SDR39U1: variants seen among roughly 807,000 people sequenced by gnomAD.
SDR39U1 encodes epimerase family protein SDR39U1.
Under a neutral mutation model 31.7 loss-of-function variants are expected in SDR39U1, and 29 were observed. The ratio of observed to expected loss-of-function variants is 0.92; its 90% CI spans 0.68 to 1.25. The LOEUF is 1.25. Among genes scored for constraint, SDR39U1 ranks in the 50% most tolerant of loss-of-function variants. The pLI, the probability that SDR39U1 is intolerant of heterozygous loss-of-function variation, is 0.00. For synonymous variants in SDR39U1, 147 were observed against 159.0 expected, an observed-to-expected ratio of 0.92 and a Z score of 0.57; for missense variants, 403 against 378.4, an observed-to-expected ratio of 1.06 and a Z score of -0.54.
chr14:24,442,710 C>T (rs2043389516), intron 1 of SDR39U1, 44 bp downstream of exon 1: 3 of 1,612,834 alleles, frequency 1.9e-6, no homozygotes, highest in Admixed American at 1.7e-5. Flanking sequence ...TCCTCAATCT[C>T]CGACTAAGCC....
intron 1 of SDR39U1, 111 bp downstream of exon 1, chr14:24,442,643 G>A: frequency 7.1e-7 from 1 of 1,415,962 alleles, no homozygotes; most frequent in East Asian, 2.3e-5. Context: ...CGGGCTAGGA[G>A]GCCAAGGCCA....
intron 1 of SDR39U1, 96 bp downstream of exon 1, chr14:24,442,658 G>T: frequency 6.7e-7 from 1 of 1,485,002 alleles, no homozygotes; most frequent in Non-Finnish European, 9.4e-7. Context: ...AGGCCAGGTT[G>T]CCTGTGCACT....
rs1198035659 is a variant in SDR39U1, at chr14:24,439,775, CAATT to C, written c.*304_*307del. The C allele has an allele frequency of 1.2e-5, 3 of 243,202 alleles. No homozygotes were observed. Among genetic ancestry groups the C allele is most frequent in the Non-Finnish European group, 2.4e-5 (3 of 127,596 alleles). The allele number at this position is 243,202 out of a possible 1,614,324, so 15.1% of individuals were successfully genotyped here. On this transcript the variant is annotated 3_prime_UTR_variant, in exon 6 of 6. Coordinates refer to ENST00000399395, the MANE Select transcript of SDR39U1 (RefSeq NM_020195.3). ...AAGAGATGAGCCAAGGTTAGTGAGA[CAATT>C]TATTTTTATTGCCTAAACTGCAGAG...
At chr14:24,441,861 C>T in intron 3 of SDR39U1, 66 bp from the exon 4 acceptor site, 2 of 1,550,796 alleles carry the variant, frequency 1.3e-6, no homozygotes, top group Non-Finnish European at 1.7e-6. Context: ...CTCTCTCTGT[C>T]TTTTCCTGGG....
At chr14:24,440,539 G>A in intron 5 of SDR39U1, 47 bp from the exon 6 acceptor site, 1 of 1,552,940 alleles carries the variant, frequency 6.4e-7, no homozygotes, top group Non-Finnish European at 8.7e-7. Flanking sequence ...CAGCCTTGAA[G>A]GAGCCCACTG....
Position 24,442,683 on chromosome 14 carries a change from C to T in SDR39U1, c.16+71G>A, listed in dbSNP as rs375269351. The T allele has an allele frequency of 3.1e-6, 5 of 1,591,352 alleles. No homozygotes were observed. The African/African-American group carries it at 6.7e-5, about 21-fold the overall frequency. ...GCCTGTGCACTAGACAGTGCCCTCC[C>T]GGAAGCGGATTCCCAGTCCTCAATC... On this transcript the variant is annotated intron_variant, in intron 1 of 5. Coordinates refer to ENST00000399395, the MANE Select transcript of SDR39U1 (RefSeq NM_020195.3).
At position 24,442,359 on chromosome 14, in the gene SDR39U1, C is replaced by G. The variant is rs1459370167; in HGVS notation, c.110G>C (p.Gly37Ala). ...GGATGGACTTACCCACGTGATCCGG[C>G]CGGGCCCGGGCTTTCGGGAGACCAA... ...VTLVSRKPGP[G>A]RITWDELAAS... Residue 37 changes from glycine (G) to alanine (A), a missense_variant, in exon 2 of 6, where the codon GGC becomes GCC. Gly to Ala is a moderately conservative substitution (Grantham distance 60). Transcript: ENST00000399395. 1 of 1,610,796 alleles carries G rather than the reference C, an allele frequency of 6.2e-7. No individual in the cohort carries two copies. Among genetic ancestry groups the G allele is most frequent in the South Asian group, 1.1e-5 (1 of 90,392 alleles).
rs764782006 is a variant in SDR39U1 at position 24,441,693 on chromosome 14, C to CT, written c.308_309insA (p.Trp103Ter). ...GCGTACCTACACCTGTGACTAAGAC[C>CT]CAGGCCTTGGGGGGTTGTGGGGCTT... ...ITKAPQPPKA[W>*]VLVTGVAYYQ... The change falls in exon 4 of 6, where the codon TGG becomes TGAG. Residue 103 changes from tryptophan to a stop codon, truncating the protein, a stop_gained and frameshift_variant. Transcript: ENST00000399395. LOFTEE classifies it high-confidence loss of function. 1.9e-6 allele frequency: 3 copies of CT among 1,589,804 alleles called. No individual in the cohort carries two copies. The highest frequency in any genetic ancestry group is 3.9e-5 in the Admixed American group (2 of 50,854).
rs1566505335 is a variant in SDR39U1, at chr14:24,440,160, G to GGATC, written c.801_804dup (p.Pro269AspfsTer62). 1 of 1,613,720 alleles carries GGATC rather than the reference G, an allele frequency of 6.2e-7. No individual in the cohort carries two copies. Among genetic ancestry groups the GGATC allele is most frequent in the Non-Finnish European group, 8.5e-7 (1 of 1,179,702 alleles). On this transcript the variant is annotated frameshift_variant, in exon 6 of 6. Coordinates refer to ENST00000399395, the MANE Select transcript of SDR39U1 (RefSeq NM_020195.3). LOFTEE classifies it high-confidence loss of function. ...TAGCCAGTGGCCAGTGTTCGCTGTGGGATCACCTTCTGGCCCTCCAGCAGC... is the reference window on the plus strand; with the variant it reads ...TAGCCAGTGGCCAGTGTTCGCTGTGGGATCGATCACCTTCTGGCCCTCCAGCAGC...
At position 24,440,303 on chromosome 14, in the gene SDR39U1, G is replaced by A. The variant is rs1276337119; in HGVS notation, c.662C>T (p.Ser221Phe). The A allele has an allele frequency of 9.3e-6, 15 of 1,613,842 alleles. No individual in the cohort carries two copies. The highest frequency in any genetic ancestry group is 1.3e-5 in the African/African-American group (1 of 74,938). ...GGCAAACTCAGCATTAGTGGCGGAG[G>A]ATGGAGCCACTCCATTCAGGACCCC... Reference protein sequence around the residue: ...VHGVLNGVAPSSATNAEFAQT... With the variant: ...VHGVLNGVAPFSATNAEFAQT... Residue 221 changes from serine to phenylalanine, a missense_variant, in exon 6 of 6, where the codon TCC (serine) becomes TTC (phenylalanine). Ser to Phe is a radical substitution (Grantham distance 155). Transcript: ENST00000399395.
At position 24,441,673 on chromosome 14, in the gene SDR39U1, C is replaced by G; in HGVS notation, c.328+1G>C. On this transcript the variant is annotated splice_donor_variant, in intron 4 of 5. Transcript: ENST00000399395. LOFTEE classifies it high-confidence loss of function. ...AGGGGCTGGTGATTTGGGGGGCGTA[C>G]CTACACCTGTGACTAAGACCCAGGC... 6.3e-7 allele frequency: 1 copy of G among 1,581,964 alleles called. No individual in the cohort carries two copies. Among genetic ancestry groups the G allele is most frequent in the Middle Eastern group, 1.8e-4 (1 of 5,478 alleles).
At chr14:24,441,638 G>A (rs1403991261) in intron 4 of SDR39U1, 36 bp downstream of exon 4, 1 of 1,542,996 alleles carries the variant, frequency 6.5e-7, no homozygotes, top group Non-Finnish European at 8.8e-7. Context: ...CCGTTCCCCT[G>A]GCGAATATAA....
chr14:24,440,866 T>C lies in SDR39U1; in HGVS notation c.389A>G (p.Asp130Gly). The C allele has an allele frequency of 4.3e-6, 7 of 1,613,954 alleles. No homozygotes were observed. The highest frequency in any genetic ancestry group is 1.1e-5 in the South Asian group (1 of 91,080). The change falls in exon 5 of 6, where the codon GAC becomes GGC. Residue 130 changes from aspartate (D) to glycine (G), a missense_variant. Physicochemically the swap from Asp to Gly is moderately conservative, Grantham distance 94. Transcript: ENST00000399395. ...TTTGGTTACGAGGTTGGAGAAAAAG[T>C]CAAAGTCCCCTCCTGGGCTGTCTTC... The part of the protein sequence containing the change: ...YDEDSPGGDF[D>G]FFSNLVTKWE...
chr14:24,440,909 G>C lies in SDR39U1; in HGVS notation c.346C>G (p.Leu116Val), dbSNP rs1297359055. Residue 116 changes from leucine to valine, a missense_variant, in exon 5 of 6, where the codon CTG becomes GTG. Transcript: ENST00000399395. ...VTGVAYYQPS[L>V]TAEYDEDSPG... Reference sequence around the variant, plus strand: ...CTGTCTTCATCATACTCCGCAGTCAGACTGGGCTGGTAGTAAGCTGCCGGT... The same window carrying C: ...CTGTCTTCATCATACTCCGCAGTCACACTGGGCTGGTAGTAAGCTGCCGGT... The C allele has an allele frequency of 1.2e-6, 2 of 1,614,054 alleles. No homozygotes were observed. Among genetic ancestry groups the C allele is most frequent in the African/African-American group, 1.3e-5 (1 of 75,064 alleles).
Position 24,441,634 on chromosome 14 carries a change from C to T in SDR39U1, c.328+40G>A, listed in dbSNP as rs769611276. ...TACAGAGGTCTGAGTTACCCCGTTC[C>T]CCTGGCGAATATAAGGGGCTGGTGA... On this transcript the variant is annotated intron_variant, in intron 4 of 5. Coordinates refer to ENST00000399395, the MANE Select transcript of SDR39U1 (RefSeq NM_020195.3). 22 of 1,536,852 alleles carry T rather than the reference C, an allele frequency of 1.4e-5. No homozygotes were observed. The Admixed American group carries it at 4.8e-4, about 34-fold the overall frequency.
intron 1 of SDR39U1, 25 bp downstream of exon 1, chr14:24,442,729 A>T: frequency 6.2e-7 from 1 of 1,613,172 alleles, no homozygotes; most frequent in Non-Finnish European, 8.5e-7. Context: ...CCCGCCCAGC[A>T]CTCTCCCTTT....
rs1475968529 is a variant in SDR39U1 at position 24,440,128 on chromosome 14, A to G, written c.837T>C (p.Tyr279=). Reference sequence around the variant, plus strand: ...AGGCAGCCCCTAGCTCTGGGAAGGAATACTGGTAGCCAGTGGCCAGTGTTC... The same window carrying G: ...AGGCAGCCCCTAGCTCTGGGAAGGAGTACTGGTAGCCAGTGGCCAGTGTTC... ...PQRTLATGYQ[Y]SFPELGAALK... is the part of the protein sequence containing the mutation. The change falls in exon 6 of 6, where the codon TAT becomes TAC. Residue 279 remains tyrosine (Y), a synonymous_variant. Transcript: ENST00000399395. 1 of 1,612,282 alleles carries G rather than the reference A, an allele frequency of 6.2e-7. No homozygotes were observed. The highest frequency in any genetic ancestry group is 1.3e-5 in the African/African-American group (1 of 74,928).
chr14:24,440,928 T>C lies in SDR39U1; in HGVS notation c.329-2A>G, dbSNP rs748452792. 6 of 1,614,034 alleles carry C rather than the reference T, an allele frequency of 3.7e-6. No individual in the cohort carries two copies. In the South Asian group the frequency reaches 5.5e-5, roughly 15 times the overall value. The stretch of plus-strand genomic sequence containing the variant: ...CAGTCAGACTGGGCTGGTAGTAAGC[T>C]GCCGGTGGAACACAATCATTTGCCC... On this transcript the variant is annotated splice_acceptor_variant, in intron 4 of 5. Coordinates refer to ENST00000399395, the MANE Select transcript of SDR39U1 (RefSeq NM_020195.3). LOFTEE classifies it high-confidence loss of function.
rs1594764278 is a variant in SDR39U1, at chr14:24,441,221, C to G, written c.329-295G>C. ...GCTCCCTCATTTATTAACTCTCTGA[C>G]TTGATGCAAGTTACTTAACCTCTCT... is the stretch of plus-strand genomic sequence containing the variant. On this transcript the variant is annotated intron_variant, in intron 4 of 5. Coordinates refer to ENST00000399395, the MANE Select transcript of SDR39U1 (RefSeq NM_020195.3). The G allele has an allele frequency of 1.2e-5, 6 of 503,424 alleles. No homozygotes were observed. The East Asian group carries it at 2.4e-4, about 20-fold the overall frequency. 31.2% of individuals were successfully genotyped at this position (503,424 alleles called of 1,614,324 possible).
Sources: allele counts gnomAD v4.1 joint callset, GRCh38; gene constraint gnomAD v4.1.1; transcripts MANE v1.5; gene names NCBI Gene and HGNC (gene_info 2026-07-23, HGNC 2026-07-21).